The following AGPAT4 variants were observed in gnomAD, a reference collection of about 807,000 sequenced individuals.
AGPAT4 encodes the protein 1-acyl-sn-glycerol-3-phosphate acyltransferase delta.
Under a neutral mutation model 48.0 loss-of-function variants are expected in AGPAT4, and 15 were observed. That is an observed-to-expected ratio of 0.31 (90% CI 0.21 to 0.48). The LOEUF (loss-of-function observed/expected upper bound fraction) is 0.48. Among genes scored for constraint, AGPAT4 ranks in the 20% least tolerant of loss-of-function variants. The pLI is 0.99. For missense variants in AGPAT4, 314 were observed against 482.5 expected (o/e 0.65, Z 3.27); for synonymous variants, 178 against 198.7 (o/e 0.90, Z 0.88).
chr6:161,163,478 T>G (rs892983928), intron 3 of AGPAT4, among the ~76,000 whole-genome samples: 1 of 152,116 alleles, frequency 6.6e-6, no homozygotes, highest in African/African-American at 2.4e-5. Context: ...TTTACCCCCT[T>G]CCAGGGTGGC....
Position 161,144,049 on chromosome 6 carries a change from C to T in AGPAT4, c.843+2475G>A. The T allele has an allele frequency of 2.1e-6, 1 of 474,332 alleles. No individual in the cohort carries two copies. The highest frequency in any genetic ancestry group is 4.4e-6 in the Non-Finnish European group (1 of 229,266). 29.4% of individuals were successfully genotyped at this position (474,332 alleles called of 1,614,324 possible). ...CACTTTGACAAACTGGGTCGGGCACCCAGATTTGGGGCACGTAAAGCTTTA... is the reference window on the plus strand; with the variant it reads ...CACTTTGACAAACTGGGTCGGGCACTCAGATTTGGGGCACGTAAAGCTTTA... On this transcript the variant is annotated intron_variant, in intron 7 of 8. Transcript: ENST00000320285. The surrounding 1 kb of genome is among the most constrained non-coding windows in gnomAD (Gnocchi z 6.6).
chr6:161,266,257 C>T lies in AGPAT4; in HGVS notation c.-90+7681G>A, dbSNP rs1236844899. Among the ~76,000 whole-genome samples, 1 of 152,228 alleles carries T rather than the reference C, an allele frequency of 6.6e-6. No homozygotes were observed. The highest frequency in any genetic ancestry group is 2.4e-5 in the African/African-American group (1 of 41,464). On this transcript the variant is annotated intron_variant, in intron 1 of 8. Transcript: ENST00000320285. The surrounding 1 kb of genome is among the most constrained non-coding windows in gnomAD (Gnocchi z 6.2). Reference sequence around the variant, plus strand: ...CATCGAGATTGAGAAACACCTCGCCCTCAAGGAATGTCACCCTTGAGGCCC... The same window carrying T: ...CATCGAGATTGAGAAACACCTCGCCTTCAAGGAATGTCACCCTTGAGGCCC...
At chr6:161,268,983 GT>G (rs1388958305) in intron 1 of AGPAT4, among the ~76,000 whole-genome samples, 2 of 152,228 alleles carry the variant, frequency 1.3e-5, no homozygotes, top group Non-Finnish European at 2.9e-5. Flanking sequence ...AAACCCACTT[GT>G]TTTTATCAGA....
chr6:161,178,714 C>T lies in AGPAT4; in HGVS notation c.179-12297G>A, dbSNP rs571167601. ...TCACCCATCTTCCGCATCACTCACA[C>T]TGGGAGCTGTAGACTGGAGCTGTTC... On this transcript the variant is annotated intron_variant, in intron 2 of 8. Coordinates refer to ENST00000320285, the MANE Select transcript of AGPAT4 (RefSeq NM_020133.3). The surrounding 1 kb of genome is among the most constrained non-coding windows in gnomAD (Gnocchi z 5.1). Among the ~76,000 whole-genome samples, 34 of 152,222 alleles carry T rather than the reference C, an allele frequency of 2.2e-4. No homozygotes were observed. The highest frequency in any genetic ancestry group is 8.3e-4 in the South Asian group (4 of 4,836).
rs1447957979 is a variant in AGPAT4, at chr6:161,234,430, C to T, written c.-89-2128G>A. Among the ~76,000 whole-genome samples the T allele has an allele frequency of 6.6e-6, 1 of 152,104 alleles. No homozygotes were observed. The highest frequency in any genetic ancestry group is 1.5e-5 in the Non-Finnish European group (1 of 68,022). On this transcript the variant is annotated intron_variant, in intron 1 of 8. Coordinates refer to ENST00000320285, the MANE Select transcript of AGPAT4 (RefSeq NM_020133.3). This position sits in a 1 kb window ranked among gnomAD's most constrained non-coding sequence, Gnocchi z 4.4. ...AGGGTCTGAATCATCACATCTCTGGCCTTTCGCAGACGGCATTTCCACAGA... is the reference window on the plus strand; with the variant it reads ...AGGGTCTGAATCATCACATCTCTGGTCTTTCGCAGACGGCATTTCCACAGA...
At chr6:161,257,076 G>A (rs1439547729) in intron 1 of AGPAT4, among the ~76,000 whole-genome samples, 2 of 152,230 alleles carry the variant, frequency 1.3e-5, no homozygotes, top group African/African-American at 4.8e-5. Context: ...AGATGTTGGA[G>A]ATGGGGGGAA....
At chr6:161,150,938 C>G (rs1475432483) in intron 5 of AGPAT4, among the ~76,000 whole-genome samples, 3 of 152,190 alleles carry the variant, frequency 2.0e-5, no homozygotes, top group Non-Finnish European at 2.9e-5. Context: ...CACACAGGGA[C>G]CCATGCAGAC....
chr6:161,172,725 T>G (rs1306516212), intron 2 of AGPAT4, among the ~76,000 whole-genome samples: 1 of 152,232 alleles, frequency 6.6e-6, no homozygotes, highest in Non-Finnish European at 1.5e-5. Flanking sequence ...ACATGTGCCA[T>G]GTTGGTGTGC....
At chr6:161,273,760 C>T (rs1227395796) in intron 1 of AGPAT4, among the ~76,000 whole-genome samples, 178 bp downstream of exon 1, 2 of 151,134 alleles carry the variant, frequency 1.3e-5, no homozygotes, top group Admixed American at 6.6e-5. Flanking sequence ...TCCCTCCAGG[C>T]GCCCCCTGCA....
rs796631455 is a variant in AGPAT4 at position 161,261,573 on chromosome 6, G to A, written c.-90+12365C>T. On this transcript the variant is annotated intron_variant, in intron 1 of 8. Coordinates refer to ENST00000320285, the MANE Select transcript of AGPAT4 (RefSeq NM_020133.3). The surrounding 1 kb of genome is among the most constrained non-coding windows in gnomAD (Gnocchi z 5.3). Reference sequence around the variant, plus strand: ...GTCAGAGGGACGTAGCTGCTACCCTGAGACCGGGTAAGGCATCATCATTAA... The same window carrying A: ...GTCAGAGGGACGTAGCTGCTACCCTAAGACCGGGTAAGGCATCATCATTAA... 2.6e-5 allele frequency among the ~76,000 whole-genome samples: 4 copies of A among 152,320 alleles called. No homozygotes were observed. The highest frequency in any genetic ancestry group is 9.6e-5 in the African/African-American group (4 of 41,576).
intron 5 of AGPAT4, among the ~76,000 whole-genome samples, chr6:161,152,577 G>C (rs936340925): frequency 6.6e-6 from 1 of 152,106 alleles, no homozygotes; most frequent in African/African-American, 2.4e-5. Context: ...GGAGGAGTTC[G>C]GGGCCCCCTG....
chr6:161,173,559 G>A (rs557518610), intron 2 of AGPAT4, among the ~76,000 whole-genome samples: 244 of 152,190 alleles, frequency 1.6e-3, no homozygotes, highest in Middle Eastern at 3.4e-3. Context: ...TTGTCAGATG[G>A]GTAGATTGTA....
In AGPAT4 at chr6:161,134,241, C is replaced by T. The variant is rs1778991124; in HGVS notation, c.*2299G>A. ...AGATTTCTGCCTGCATTCCTCCAGC[C>T]TGGAACCCAAGGCCCTAGCAGGCAG... On this transcript the variant is annotated 3_prime_UTR_variant, in exon 9 of 9. Transcript: ENST00000320285. 1 of 152,196 alleles carries T rather than the reference C, an allele frequency of 6.6e-6. No individual in the cohort carries two copies. The highest frequency in any genetic ancestry group is 6.5e-5 in the Admixed American group (1 of 15,284). 9.4% of individuals were successfully genotyped at this position (152,196 alleles called of 1,614,324 possible). A position where few individuals can be genotyped will look rare whatever the true frequency, so the allele number is the denominator to read the frequency against.
At chr6:161,263,111 C>T (rs938382225) in intron 1 of AGPAT4, among the ~76,000 whole-genome samples, 2 of 29,592 alleles carry the variant, frequency 6.8e-5, no homozygotes, top group Non-Finnish European at 1.1e-4. Flanking sequence ...CGGCGGTGGG[C>T]GGGGTGTTTC....
Position 161,140,349 on chromosome 6 carries a change from A to C in AGPAT4, c.844-729T>G, listed in dbSNP as rs942531714. Reference sequence around the variant, plus strand: ...CAAACAGGCTCATGTCCTTCCACTAAGCAGATCCTTAGTGGGAACCATGTA... The same window carrying C: ...CAAACAGGCTCATGTCCTTCCACTACGCAGATCCTTAGTGGGAACCATGTA... On this transcript the variant is annotated intron_variant, in intron 7 of 8. Coordinates refer to ENST00000320285, the MANE Select transcript of AGPAT4 (RefSeq NM_020133.3). The surrounding 1 kb of genome is among the most constrained non-coding windows in gnomAD (Gnocchi z 6.5). Among the ~76,000 whole-genome samples, 5 of 152,234 alleles carry C rather than the reference A, an allele frequency of 3.3e-5. No individual in the cohort carries two copies. The highest frequency in any genetic ancestry group is 1.2e-4 in the African/African-American group (5 of 41,460).
In AGPAT4 at chr6:161,233,109, C is replaced by CCACA. The variant is rs56226316; in HGVS notation, c.-89-811_-89-808dup. Among the ~76,000 whole-genome samples, 855 of 147,390 alleles carry CCACA rather than the reference C, an allele frequency of 5.8e-3. 2 individuals carry two copies. The highest frequency in any genetic ancestry group is 0.011 in the East Asian group (52 of 4,940). On this transcript the variant is annotated intron_variant, in intron 1 of 8. Transcript: ENST00000320285. This position sits in a 1 kb window ranked among gnomAD's most constrained non-coding sequence, Gnocchi z 5.4. ...AGACACATAGACACACACACAAACA[C>CCACA]CACACACACACACACACACACACAC...
intron 3 of AGPAT4, chr6:161,160,794 T>G: frequency 2.8e-6 from 1 of 351,634 alleles, no homozygotes. Context: ...GTTTCTCTTC[T>G]GAACGGACAG....
Position 161,189,706 on chromosome 6 carries a change from T to C in AGPAT4, c.179-23289A>G, listed in dbSNP as rs1780868143. The stretch of plus-strand genomic sequence containing the variant: ...TCTGGCCCCCTCTTCCACCTCACTG[T>C]CTCCACCTGCCCCTTCCTCACCCAC... On this transcript the variant is annotated intron_variant, in intron 2 of 8. Transcript: ENST00000320285. The surrounding 1 kb of genome is among the most constrained non-coding windows in gnomAD (Gnocchi z 5.3). 6.6e-6 allele frequency among the ~76,000 whole-genome samples: 1 copy of C among 152,022 alleles called. No individual in the cohort carries two copies. The highest frequency in any genetic ancestry group is 2.1e-4 in the South Asian group (1 of 4,810).
At chr6:161,193,238 T>C (rs1780972891) in intron 2 of AGPAT4, among the ~76,000 whole-genome samples, 1 of 152,246 alleles carries the variant, frequency 6.6e-6, no homozygotes, top group Non-Finnish European at 1.5e-5. Flanking sequence ...CTGATGTGTC[T>C]TCCAGTTCAC....
Sources: allele counts gnomAD v4.1 joint callset (sites outside exome capture counted in the v4.1 genomes callset), GRCh38; gene constraint gnomAD v4.1.1; non-coding constraint Gnocchi (gnomAD v3.1); transcripts MANE v1.5; gene names NCBI Gene and HGNC (gene_info 2026-07-23, HGNC 2026-07-21).